UEVLD: variants seen among roughly 807,000 people sequenced by gnomAD.
UEVLD encodes the protein ubiquitin-conjugating enzyme E2 variant 3.
Under a neutral mutation model 58.6 loss-of-function variants are expected in UEVLD, and 47 were observed. That is an observed-to-expected ratio of 0.80 (90% CI 0.63 to 1.02). The LOEUF (loss-of-function observed/expected upper bound fraction) is 1.02. Among genes scored for constraint, UEVLD ranks in the 50% least tolerant of loss-of-function variants. The pLI is 0.00. For synonymous variants in UEVLD, 197 were observed against 195.3 expected (o/e 1.01, Z -0.07); for missense variants, 510 against 550.6 (o/e 0.93, Z 0.74).
intron 3 of UEVLD, among the ~76,000 whole-genome samples, chr11:18,572,230 C>T (rs1358219098): frequency 6.6e-6 from 1 of 151,318 alleles, no homozygotes; most frequent in Non-Finnish European, 1.5e-5. Context: ...TGCGAGACTC[C>T]GTCTCAAAAA....
At chr11:18,561,201 G>C in intron 6 of UEVLD, among the ~76,000 whole-genome samples, 1 of 152,170 alleles carries the variant, frequency 6.6e-6, no homozygotes, top group Non-Finnish European at 1.5e-5. Context: ...TTTATTAACA[G>C]TGTAATTTGG....
At chr11:18,570,745 C>CAAAAAAAAA (rs559788859) in intron 3 of UEVLD, 2 of 67,752 alleles carry the variant, frequency 3.0e-5, no homozygotes, top group African/African-American at 8.8e-5. Flanking sequence ...GACACTGTTT[C>CAAAAAAAAA]AAAAAAAAAA....
rs1178580117 is a variant in UEVLD, at chr11:18,565,900, C to CTTT, written c.493+444_493+446dup. The stretch of plus-strand genomic sequence containing the variant: ...AAGGCAAAGGAATTACTTTTTTTTT[C>CTTT]TTTTTTTTTTTTTTTTGAGATGGAG... On this transcript the variant is annotated intron_variant, in intron 5 of 11. Coordinates refer to ENST00000396197, the MANE Select transcript of UEVLD (RefSeq NM_001040697.4). Among the ~76,000 whole-genome samples, 14 of 135,838 alleles carry CTTT rather than the reference C, an allele frequency of 1.0e-4. 1 individual carries two copies. The highest frequency in any genetic ancestry group is 1.6e-4 in the Non-Finnish European group (10 of 64,094). 89.1% of individuals were successfully genotyped at this position (135,838 alleles called of 152,430 possible). A position where few individuals can be genotyped will look rare whatever the true frequency, so the allele number is the denominator to read the frequency against.
intron 4 of UEVLD, among the ~76,000 whole-genome samples, chr11:18,568,293 AGATGCCAAT>A (rs1233041713): frequency 1.3e-5 from 2 of 152,238 alleles, no homozygotes; most frequent in African/African-American, 4.8e-5. Context: ...TTATGAAAAG[AGATGCCAAT>A]GAAAACCAGA....
At chr11:18,556,659 C>CTT (rs929409421) in intron 7 of UEVLD, among the ~76,000 whole-genome samples, 1 of 152,048 alleles carries the variant, frequency 6.6e-6, no homozygotes, top group African/African-American at 2.4e-5. Flanking sequence ...GTTCAGTGGC[C>CTT]TTTTTTCTTT....
At chr11:18,557,562 T>C (rs957392768) in intron 7 of UEVLD, among the ~76,000 whole-genome samples, 1 of 145,756 alleles carries the variant, frequency 6.9e-6, no homozygotes, top group Non-Finnish European at 1.5e-5. Flanking sequence ...TTTCTTTTTT[T>C]TTTTTTCAGA....
chr11:18,532,600 T>TA (rs148229574), intron 11 of UEVLD, 113 bp from the exon 12 acceptor site: 1 of 883,998 alleles, frequency 1.1e-6, no homozygotes, highest in Non-Finnish European at 1.6e-6. Flanking sequence ...AAGTTGGACT[T>TA]AAAAAAATTT....
At chr11:18,581,627 C>T (rs764025735) in intron 1 of UEVLD, among the ~76,000 whole-genome samples, 2 of 149,874 alleles carry the variant, frequency 1.3e-5, no homozygotes, top group East Asian at 1.9e-4. Flanking sequence ...GAGGTTGCAA[C>T]GAGCTGGGAT....
Position 18,546,971 on chromosome 11 carries a change from C to T in UEVLD, c.795G>A (p.Val265=), listed in dbSNP as rs745342975. 8 of 1,614,098 alleles carry T rather than the reference C, an allele frequency of 5.0e-6. No individual in the cohort carries two copies. In the Admixed American group the frequency reaches 8.3e-5, roughly 17 times the overall value. Reference sequence around the variant, plus strand: ...TGAACATATCCACATTGCTCTGTACCACATCAAGGTACGACTGAGAACTAC... The same window carrying T: ...TGAACATATCCACATTGCTCTGTACTACATCAAGGTACGACTGAGAACTAC... ...SLGSSQSYLD[V]VQSNVDMFRA... Residue 265 remains valine, a synonymous_variant, in exon 8 of 12, where the codon GTG becomes GTA. Transcript: ENST00000396197.
rs148228486 is a variant in UEVLD, at chr11:18,553,735, C to T, written c.715+4493G>A. ...ATGGATGTACCTTGAAAACATTATG[C>T]GAAGTGACACAAAAGTCACATACTA... On this transcript the variant is annotated intron_variant, in intron 7 of 11. Transcript: ENST00000396197. Among the ~76,000 whole-genome samples the T allele has an allele frequency of 3.6e-3, 551 of 152,264 alleles. 5 individuals are homozygous for T. Among genetic ancestry groups the T allele is most frequent in the Non-Finnish European group, 5.1e-3 (348 of 68,028 alleles).
intron 9 of UEVLD, among the ~76,000 whole-genome samples, chr11:18,543,385 C>G (rs1365922999): frequency 6.6e-6 from 1 of 152,202 alleles, no homozygotes; most frequent in Non-Finnish European, 1.5e-5. Context: ...TCTGCAACAA[C>G]TAGTCCACAT....
At chr11:18,584,767 G>C (rs1414944782) in intron 1 of UEVLD, among the ~76,000 whole-genome samples, 1 of 147,254 alleles carries the variant, frequency 6.8e-6, no homozygotes, top group African/African-American at 2.4e-5. Context: ...TGAGTAGCTG[G>C]GACTACAGGC....
At chr11:18,568,724 T>C (rs969912578) in intron 4 of UEVLD, among the ~76,000 whole-genome samples, 3 of 152,178 alleles carry the variant, frequency 2.0e-5, no homozygotes, top group Admixed American at 6.5e-5. Flanking sequence ...ATGTTTTCTA[T>C]ATAAAAATAT....
intron 1 of UEVLD, among the ~76,000 whole-genome samples, chr11:18,586,454 T>C (rs1590384107): frequency 6.6e-6 from 1 of 152,102 alleles, no homozygotes; most frequent in African/African-American, 2.4e-5. Context: ...TGGCCGCAGG[T>C]GATCTACCCG....
chr11:18,563,639 A>G, intron 6 of UEVLD: 1 of 968,118 alleles, frequency 1.0e-6, no homozygotes, highest in Non-Finnish European at 1.2e-6. Flanking sequence ...ATGAGAAAAC[A>G]AGCAACTTGA....
intron 7 of UEVLD, among the ~76,000 whole-genome samples, chr11:18,548,980 C>T (rs1851412114): frequency 6.6e-6 from 1 of 152,214 alleles, no homozygotes; most frequent in Admixed American, 6.5e-5. Flanking sequence ...AAGGGATATA[C>T]TTAACAATTC....
intron 2 of UEVLD, among the ~76,000 whole-genome samples, chr11:18,578,174 G>T (rs553346270): frequency 6.6e-6 from 1 of 152,244 alleles, no homozygotes; most frequent in East Asian, 1.9e-4. Context: ...TATTACTGGG[G>T]TGGGTCTAAT....
chr11:18,532,563 GCTTT>G (rs1161122832), intron 11 of UEVLD, 76 bp from the exon 12 acceptor site: 1 of 1,249,596 alleles, frequency 8.0e-7, no homozygotes. Flanking sequence ...ATACTTTCTT[GCTTT>G]CTTAACTAGG....
At chr11:18,542,258 A>G (rs762185982) in intron 9 of UEVLD, among the ~76,000 whole-genome samples, 9 of 152,156 alleles carry the variant, frequency 5.9e-5, no homozygotes, top group African/African-American at 1.7e-4. Context: ...ATGTGCAATA[A>G]CCAGGCAAGC....
Sources: gnomAD v4.1 joint callset for allele counts (sites outside exome capture counted in the v4.1 genomes callset) on GRCh38, gnomAD v4.1.1 for gene constraint, MANE v1.5 for transcripts, NCBI Gene and HGNC (gene_info 2026-07-23, HGNC 2026-07-21) for gene names.